Variants in EPHB1 observed in about 807,000 individuals in gnomAD.
EPHB1 encodes the protein EPH receptor B1, also known as ephrin type-B receptor 1.
In EPHB1, 30 loss-of-function variants were observed where a neutral mutation model predicts 94.4. That is an observed-to-expected ratio of 0.32 (90% CI 0.24 to 0.43). The LOEUF is 0.43. EPHB1 is among the 20% of genes least tolerant of loss of function. EPHB1 has a pLI of 1.00. For missense variants in EPHB1, 1,055 were observed against 1,308.3 expected, an observed-to-expected ratio of 0.81 and a Z score of 2.99; for synonymous variants, 522 against 489.1, an observed-to-expected ratio of 1.07 and a Z score of -0.89.
chr3:135,167,047 C>G (rs753224070), intron 9 of EPHB1, 41 bp downstream of exon 9: 1 of 1,605,122 alleles, frequency 6.2e-7, no homozygotes, highest in Non-Finnish European at 8.5e-7. Context: ...CCCCCACAGG[C>G]CACTGAGTCA....
chr3:135,076,260 T>TATATATATATATATATATATATA (rs1424213544), intron 3 of EPHB1, among the ~76,000 whole-genome samples: 4 of 104,348 alleles, frequency 3.8e-5, no homozygotes, highest in African/African-American at 1.1e-4. Flanking sequence ...TATATATATA[T>TATATATATATATATATATATATA]AACTCTTAAA....
intron 4 of EPHB1, among the ~76,000 whole-genome samples, chr3:135,113,300 A>T (rs1444546861): frequency 6.6e-6 from 1 of 152,234 alleles, no homozygotes; most frequent in Non-Finnish European, 1.5e-5. Flanking sequence ...GTGCTTTCAC[A>T]CTTCTGTAAT....
intron 5 of EPHB1, among the ~76,000 whole-genome samples, chr3:135,138,932 C>T (rs1367941857): frequency 1.3e-5 from 2 of 152,204 alleles, no homozygotes; most frequent in Non-Finnish European, 1.5e-5. Context: ...CTCAGAGGGT[C>T]GGCAGATGGC....
chr3:135,094,478 T>G (rs1398775662), intron 3 of EPHB1, among the ~76,000 whole-genome samples: 1 of 152,182 alleles, frequency 6.6e-6, no homozygotes. Context: ...AGGAGGGGCC[T>G]GTCGGCTGCC....
At chr3:135,204,890 T>C (rs1942858094) in intron 12 of EPHB1, among the ~76,000 whole-genome samples, 1 of 142,800 alleles carries the variant, frequency 7.0e-6, no homozygotes, top group Admixed American at 7.0e-5. Flanking sequence ...TCTTTTTTTT[T>C]TTTTTTTTTT....
At chr3:135,038,269 C>G (rs1936711850) in intron 3 of EPHB1, among the ~76,000 whole-genome samples, 1 of 152,198 alleles carries the variant, frequency 6.6e-6, no homozygotes, top group Admixed American at 6.5e-5. Flanking sequence ...TTTCTCCTCC[C>G]TTTGAATCTG....
At chr3:135,222,293 T>G (rs2107720622) in intron 12 of EPHB1, among the ~76,000 whole-genome samples, 2 of 152,338 alleles carry the variant, frequency 1.3e-5, no homozygotes, top group East Asian at 3.9e-4. Flanking sequence ...TCTCATCTTC[T>G]CTGAGATGCC....
At chr3:135,204,179 G>T (rs1031104852) in intron 12 of EPHB1, among the ~76,000 whole-genome samples, 1 of 130,258 alleles carries the variant, frequency 7.7e-6, no homozygotes, top group Non-Finnish European at 1.7e-5. Flanking sequence ...TACCCTTTTA[G>T]TTATCTTAAT....
At chr3:135,239,945 C>G (rs934864384) in intron 12 of EPHB1, among the ~76,000 whole-genome samples, 1 of 152,128 alleles carries the variant, frequency 6.6e-6, no homozygotes, top group African/African-American at 2.4e-5. Flanking sequence ...AACTGAGGCA[C>G]AGAGAGGTAG....
At chr3:134,996,854 G>T (rs939685135) in intron 3 of EPHB1, among the ~76,000 whole-genome samples, 5 of 151,858 alleles carry the variant, frequency 3.3e-5, no homozygotes, top group Non-Finnish European at 7.4e-5. Flanking sequence ...ATAAACCTTT[G>T]TCATGTATAT....
intron 1 of EPHB1, among the ~76,000 whole-genome samples, chr3:134,899,465 A>G (rs531323110): frequency 2.6e-5 from 4 of 152,226 alleles, no homozygotes; most frequent in African/African-American, 7.2e-5. Flanking sequence ...ATGACCTTCC[A>G]TGCTTCTTTG....
Position 135,132,752 on chromosome 3 carries a change from A to C in EPHB1, c.1000A>C (p.Asn334His). Residue 334 changes from asparagine to histidine, a missense_variant, in exon 5 of 16, where the codon AAT becomes CAT. Transcript: ENST00000398015. ...TCCCCGCAATGTTATCTCCATCGTC[A>C]ATGAGACGTCCATCATTCTGGAGTG... Reference protein sequence around the residue: ...SGPRNVISIVNETSIILEWHP... With the variant: ...SGPRNVISIVHETSIILEWHP... 6.2e-7 allele frequency: 1 copy of C among 1,608,278 alleles called. No individual in the cohort carries two copies. Among genetic ancestry groups the C allele is most frequent in the Non-Finnish European group, 8.5e-7 (1 of 1,175,446 alleles).
intron 1 of EPHB1, among the ~76,000 whole-genome samples, chr3:134,908,354 T>C (rs574693567): frequency 1.5e-4 from 23 of 152,296 alleles, no homozygotes; most frequent in African/African-American, 5.5e-4. Context: ...GCTGGCCCTC[T>C]CCATAGGCTG....
chr3:135,009,020 T>G (rs1050333290), intron 3 of EPHB1, among the ~76,000 whole-genome samples: 2 of 152,200 alleles, frequency 1.3e-5, no homozygotes, highest in African/African-American at 2.4e-5. Flanking sequence ...CCTACTCTGT[T>G]GCAGAGTCCC....
chr3:135,011,283 AT>A (rs972516939), intron 3 of EPHB1, among the ~76,000 whole-genome samples: 4 of 151,912 alleles, frequency 2.6e-5, no homozygotes, highest in African/African-American at 9.7e-5. Flanking sequence ...AGGTCATTTG[AT>A]TTTTTTCTAC....
intron 2 of EPHB1, among the ~76,000 whole-genome samples, chr3:134,932,362 T>A (rs2038922672): frequency 6.6e-6 from 1 of 152,188 alleles, no homozygotes; most frequent in African/African-American, 2.4e-5. Context: ...CCCCACCAGC[T>A]GCCCACCTCA....
At position 135,071,247 on chromosome 3, in the gene EPHB1, G is replaced by T. The variant is rs150374387; in HGVS notation, c.806-35201G>T. ...GATTTCCTTTGTGCTGGGATGCAAA[G>T]GTGAAACCATACAATCTCTACTCCT... On this transcript the variant is annotated intron_variant, in intron 3 of 15. Transcript: ENST00000398015. 1.8e-3 allele frequency among the ~76,000 whole-genome samples: 267 copies of T among 152,308 alleles called. 1 individual carries two copies. The highest frequency in any genetic ancestry group is 6.2e-3 in the African/African-American group (257 of 41,582).
At chr3:134,820,883 A>ATATT (rs948288349) in intron 1 of EPHB1, among the ~76,000 whole-genome samples, 8 of 152,276 alleles carry the variant, frequency 5.3e-5, no homozygotes, top group Non-Finnish European at 8.8e-5. Flanking sequence ...AACCAATAGG[A>ATATT]TATTTATTTA....
intron 10 of EPHB1, among the ~76,000 whole-genome samples, chr3:135,183,037 T>TTCTTTTCTTTCTTC: frequency 1.4e-5 from 1 of 73,752 alleles, no homozygotes; most frequent in South Asian, 4.1e-4. Context: ...TTTCTTTCTT[T>TTCTTTTCTTTCTTC]CTTTCTTTCT....
Sources: allele counts gnomAD v4.1 joint callset (sites outside exome capture counted in the v4.1 genomes callset), GRCh38; gene constraint gnomAD v4.1.1; transcripts MANE v1.5; gene names NCBI Gene and HGNC (gene_info 2026-07-23, HGNC 2026-07-21).